FSHR: variants seen among roughly 807,000 people sequenced by gnomAD.
FSHR encodes the protein follicle stimulating hormone receptor.
Under a neutral mutation model 52.1 loss-of-function variants are expected in FSHR, and 46 were observed. The observed-to-expected ratio is 0.88, with a 90% confidence interval of 0.70 to 1.13. The LOEUF is 1.13. Among genes scored for constraint, FSHR ranks in the 50% most tolerant of loss-of-function variants. FSHR has a pLI of 0.00. For missense variants in FSHR, 964 were observed against 834.6 expected (o/e 1.16, Z -1.91); for synonymous variants, 399 against 309.6 (o/e 1.29, Z -3.03).
intron 1 of FSHR, among the ~76,000 whole-genome samples, chr2:49,150,661 C>G (rs151316996): frequency 6.6e-6 from 1 of 152,014 alleles, no homozygotes; most frequent in African/African-American, 2.4e-5. Flanking sequence ...ATTCTAAACA[C>G]TATACTCCAC....
At chr2:49,011,440 G>T (rs943041330) in intron 4 of FSHR, among the ~76,000 whole-genome samples, 4 of 152,054 alleles carry the variant, frequency 2.6e-5, no homozygotes, top group Non-Finnish European at 5.9e-5. Flanking sequence ...AGGAGAGCTT[G>T]ACTTCCAAGT....
In FSHR at chr2:48,963,474, A is replaced by T; in HGVS notation, c.1347T>A (p.Thr449=). The change falls in exon 10 of 10, where the codon ACT becomes ACA. Residue 449 remains threonine (T), a synonymous_variant. Transcript: ENST00000406846. ...GAGCDAAGFF[T]VFASELSVYT... ...AGACTGACAGCTCACTGGCAAAGAC[A>T]GTGAAAAAGCCAGCAGCATCACAGC... The T allele has an allele frequency of 6.2e-7, 1 of 1,614,192 alleles. No individual in the cohort carries two copies. The highest frequency in any genetic ancestry group is 1.1e-5 in the South Asian group (1 of 91,090).
chr2:49,063,674 A>T (rs957465992), intron 2 of FSHR, among the ~76,000 whole-genome samples: 1 of 152,138 alleles, frequency 6.6e-6, no homozygotes, highest in Non-Finnish European at 1.5e-5. Flanking sequence ...AGGGAAGTCT[A>T]TGTGGGAGAG....
At chr2:49,113,077 G>A (rs927858481) in intron 1 of FSHR, among the ~76,000 whole-genome samples, 6 of 152,094 alleles carry the variant, frequency 3.9e-5, no homozygotes, top group Admixed American at 3.9e-4. Flanking sequence ...CCAGGGCAGC[G>A]CTCTAGAGGT....
rs78936293 is a variant in FSHR at position 49,125,550 on chromosome 2, C to T, written c.152+28716G>A. On this transcript the variant is annotated intron_variant, in intron 1 of 9. Transcript: ENST00000406846. ...ACCTCTTCCTGCAGTCAGTTCTGTT[C>T]TCTGCTGCATCTCCAGCATATAGAG... Among the ~76,000 whole-genome samples the T allele has an allele frequency of 2.9e-4, 44 of 152,340 alleles. 2 individuals carry two copies. The East Asian group carries it at 8.5e-3, about 29-fold the overall frequency.
chr2:49,084,786 C>G (rs1475771515), intron 1 of FSHR, among the ~76,000 whole-genome samples: 1 of 152,140 alleles, frequency 6.6e-6, no homozygotes, highest in African/African-American at 2.4e-5. Context: ...TCTCCCAAGA[C>G]TAAACCAGGA....
At chr2:49,022,463 T>G (rs1420246726) in intron 2 of FSHR, among the ~76,000 whole-genome samples, 1 of 152,238 alleles carries the variant, frequency 6.6e-6, no homozygotes, top group East Asian at 1.9e-4. Flanking sequence ...ATGAGAAATT[T>G]AGACATCTTA....
intron 4 of FSHR, among the ~76,000 whole-genome samples, chr2:49,011,388 G>A (rs1256167928): frequency 6.6e-6 from 1 of 152,140 alleles, no homozygotes; most frequent in African/African-American, 2.4e-5. Flanking sequence ...AATGTGGTCT[G>A]AGAGATAGTT....
intron 8 of FSHR, among the ~76,000 whole-genome samples, chr2:48,980,042 G>A (rs1312239945): frequency 3.3e-5 from 5 of 152,222 alleles, no homozygotes; most frequent in Non-Finnish European, 5.9e-5. Flanking sequence ...TGTGGAATAA[G>A]CTATTAGTCT....
At chr2:49,153,669 G>A (rs772671182) in intron 1 of FSHR, among the ~76,000 whole-genome samples, 1 of 152,058 alleles carries the variant, frequency 6.6e-6, no homozygotes, top group Non-Finnish European at 1.5e-5. Context: ...TTTTTTTCCA[G>A]TTGTGTAAAA....
chr2:48,965,030 C>T (rs1300088396), intron 9 of FSHR, among the ~76,000 whole-genome samples: 1 of 152,038 alleles, frequency 6.6e-6, no homozygotes, highest in East Asian at 1.9e-4. Context: ...ACATGCATAC[C>T]TTTCCCTCCT....
At chr2:49,110,836 T>C (rs1671397801) in intron 1 of FSHR, among the ~76,000 whole-genome samples, 2 of 152,092 alleles carry the variant, frequency 1.3e-5, no homozygotes, top group Non-Finnish European at 1.5e-5. Context: ...TGGAATTGGG[T>C]CGAAGAGTCA....
chr2:49,120,018 C>T (rs1447972000), intron 1 of FSHR, among the ~76,000 whole-genome samples: 1 of 152,176 alleles, frequency 6.6e-6, no homozygotes, highest in Non-Finnish European at 1.5e-5. Flanking sequence ...ACCTGTAATC[C>T]CAGCACTTTG....
rs3082696 is a variant in FSHR, at chr2:49,020,507, A to ATT, written c.225-349_225-348dup. ...TTCCCTAGACCACGGGTCAGTAAAC[A>ATT]TTTTTTTTTTTTTTTTACAGGGCTA... On this transcript the variant is annotated intron_variant, in intron 2 of 9. Transcript: ENST00000406846. Among the ~76,000 whole-genome samples the ATT allele has an allele frequency of 1.1e-3, 163 of 147,036 alleles. 1 individual carries two copies. The highest frequency in any genetic ancestry group is 1.3e-3 in the South Asian group (6 of 4,644).
intron 2 of FSHR, among the ~76,000 whole-genome samples, chr2:49,027,308 G>A (rs1302099778): frequency 1.3e-5 from 2 of 152,158 alleles, no homozygotes; most frequent in Admixed American, 6.6e-5. Flanking sequence ...GTTGGTCATA[G>A]GTCATCTGTT....
At chr2:49,148,779 G>A (rs1355081310) in intron 1 of FSHR, among the ~76,000 whole-genome samples, 3 of 151,962 alleles carry the variant, frequency 2.0e-5, no homozygotes, top group South Asian at 4.1e-4. Flanking sequence ...GAGGCATAAC[G>A]TAAAGACACA....
At chr2:49,097,631 G>C (rs1015269219) in intron 1 of FSHR, among the ~76,000 whole-genome samples, 6 of 152,148 alleles carry the variant, frequency 3.9e-5, no homozygotes, top group Non-Finnish European at 1.5e-5. Flanking sequence ...ATGTATCTCT[G>C]AGCAAGGGCT....
chr2:49,005,141 G>T (rs1667034169), intron 4 of FSHR, among the ~76,000 whole-genome samples: 2 of 152,106 alleles, frequency 1.3e-5, no homozygotes, highest in Non-Finnish European at 2.9e-5. Flanking sequence ...CTTTGCTGAT[G>T]GGAAGGACTT....
intron 1 of FSHR, among the ~76,000 whole-genome samples, chr2:49,108,665 G>C (rs34782013): frequency 0.22 from 32,934 of 152,064 alleles, 4,316 homozygotes; most frequent in East Asian, 0.47. Flanking sequence ...GCAGAACAAG[G>C]CATGTTTGTA....
Sources: allele counts gnomAD v4.1 joint callset (sites outside exome capture counted in the v4.1 genomes callset), GRCh38; gene constraint gnomAD v4.1.1; transcripts MANE v1.5; gene names NCBI Gene and HGNC (gene_info 2026-07-23, HGNC 2026-07-21).